The following RSRC1 variants were observed in gnomAD, a reference collection of about 807,000 sequenced individuals.
The protein encoded by RSRC1 is serine/Arginine-related protein 53.
A neutral mutation model predicts 49.1 loss-of-function variants in RSRC1; 39 were observed. The ratio of observed to expected loss-of-function variants is 0.79; its 90% CI spans 0.61 to 1.04. The LOEUF is 1.04. RSRC1 is among the 50% of genes least tolerant of loss of function. The pLI is 0.00. For synonymous variants in RSRC1, 143 were observed against 130.8 expected, an observed-to-expected ratio of 1.09 and a Z score of -0.63; for missense variants, 388 against 402.4, an observed-to-expected ratio of 0.96 and a Z score of 0.31.
Position 158,517,755 on chromosome 3 carries a change from A to ATTTTTTTTTTTT in RSRC1, c.653-19310_653-19299dup, listed in dbSNP as rs766129663. The stretch of plus-strand genomic sequence containing the variant: ...AGGTGTATACCACAACACCCAGCTA[A>ATTTTTTTTTTTT]TTTTTTTTTTTTTTTTTTTTTTTTT... On this transcript the variant is annotated intron_variant, in intron 7 of 9. Transcript: ENST00000611884. Among the ~76,000 whole-genome samples, 27 of 35,184 alleles carry ATTTTTTTTTTTT rather than the reference A, an allele frequency of 7.7e-4. 1 individual carries two copies. Among genetic ancestry groups the ATTTTTTTTTTTT allele is most frequent in the East Asian group, 3.3e-3 (3 of 916 alleles). 23.1% of individuals were successfully genotyped at this position (35,184 alleles called of 152,430 possible). A position where few individuals can be genotyped will look rare whatever the true frequency, so the allele number is the denominator to read the frequency against.
chr3:158,277,638 G>A (rs958786104), intron 4 of RSRC1, among the ~76,000 whole-genome samples: 2 of 152,152 alleles, frequency 1.3e-5, no homozygotes, highest in African/African-American at 4.8e-5. Flanking sequence ...TTGACAGCAT[G>A]GGAAGTATAT....
At chr3:158,172,090 A>G (rs186878963) in intron 3 of RSRC1, among the ~76,000 whole-genome samples, 84 of 152,314 alleles carry the variant, frequency 5.5e-4, no homozygotes, top group African/African-American at 1.9e-3. Context: ...ATATCTTCTT[A>G]TATGTGTGTA....
At chr3:158,215,154 A>G (rs1721883509) in intron 4 of RSRC1, among the ~76,000 whole-genome samples, 1 of 151,866 alleles carries the variant, frequency 6.6e-6, no homozygotes, top group Admixed American at 6.6e-5. Flanking sequence ...ATTGCTACAA[A>G]ATACACATTG....
At chr3:158,145,531 G>A (rs1388121754) in intron 3 of RSRC1, among the ~76,000 whole-genome samples, 1 of 152,152 alleles carries the variant, frequency 6.6e-6, no homozygotes, top group African/African-American at 2.4e-5. Flanking sequence ...TTTGGTTACT[G>A]TAACCTTGTA....
intron 5 of RSRC1, among the ~76,000 whole-genome samples, chr3:158,317,917 A>G (rs1052841986): frequency 2.6e-5 from 4 of 152,182 alleles, no homozygotes; most frequent in African/African-American, 9.7e-5. Flanking sequence ...CCCTAGAGCA[A>G]ACTTGTCCAG....
intron 3 of RSRC1, among the ~76,000 whole-genome samples, chr3:158,165,402 A>G (rs1718476947): frequency 6.6e-6 from 1 of 152,216 alleles, no homozygotes; most frequent in Non-Finnish European, 1.5e-5. Context: ...ACTTAAAAAG[A>G]CTTACCACCA....
intron 7 of RSRC1, among the ~76,000 whole-genome samples, chr3:158,501,579 A>G (rs1464762580): frequency 6.6e-6 from 1 of 152,086 alleles, no homozygotes; most frequent in Non-Finnish European, 1.5e-5. Context: ...CCTGTTGGAC[A>G]AGGCCTTTTG....
chr3:158,478,457 GAATT>G (rs1475053482), intron 7 of RSRC1, among the ~76,000 whole-genome samples: 6 of 151,864 alleles, frequency 4.0e-5, no homozygotes, highest in African/African-American at 1.2e-4. Context: ...CAGACATAAT[GAATT>G]GAGACTGTCT....
At chr3:158,250,252 A>C (rs1460143997) in intron 4 of RSRC1, among the ~76,000 whole-genome samples, 1 of 152,196 alleles carries the variant, frequency 6.6e-6, no homozygotes, top group Non-Finnish European at 1.5e-5. Context: ...AATCTTGGCT[A>C]TTGTGAATAG....
intron 4 of RSRC1, among the ~76,000 whole-genome samples, chr3:158,207,234 A>C (rs966145880): frequency 2.0e-5 from 3 of 152,194 alleles, no homozygotes; most frequent in Non-Finnish European, 2.9e-5. Context: ...ACGTTCCTAG[A>C]AAATAGAACT....
chr3:158,239,819 C>T (rs561544885), intron 4 of RSRC1, among the ~76,000 whole-genome samples: 2 of 152,144 alleles, frequency 1.3e-5, no homozygotes, highest in Admixed American at 6.5e-5. Flanking sequence ...AATGTTTTCT[C>T]CCAGTTTGTG....
At chr3:158,223,334 T>G (rs918390205) in intron 4 of RSRC1, among the ~76,000 whole-genome samples, 1 of 151,662 alleles carries the variant, frequency 6.6e-6, no homozygotes, top group Non-Finnish European at 1.5e-5. Flanking sequence ...TTCAGGAAAC[T>G]TTTTCTGTAA....
At chr3:158,339,153 G>A (rs6772237) in intron 5 of RSRC1, among the ~76,000 whole-genome samples, 64,892 of 151,456 alleles carry the variant, frequency 0.43, 14,726 homozygotes, top group South Asian at 0.6. Context: ...TTAGCCGGGC[G>A]CGGTGGCGGG....
At chr3:158,407,207 A>G (rs1365540514) in intron 6 of RSRC1, among the ~76,000 whole-genome samples, 1 of 152,208 alleles carries the variant, frequency 6.6e-6, no homozygotes, top group East Asian at 1.9e-4. Context: ...CAAAATAAGA[A>G]TTAAAATTTA....
intron 6 of RSRC1, among the ~76,000 whole-genome samples, chr3:158,397,642 T>C (rs564416751): frequency 5.3e-5 from 8 of 152,252 alleles, no homozygotes; most frequent in African/African-American, 1.9e-4. Flanking sequence ...AACTTTAATA[T>C]CTAGTAATAA....
intron 5 of RSRC1, chr3:158,302,667 C>CTTTTTTTTTTTTTTTTTTTTT (rs58057548): frequency 4.1e-5 from 4 of 98,108 alleles, no homozygotes; most frequent in Admixed American, 1.4e-4. Flanking sequence ...TTTTTTCTTC[C>CTTTTTTTTTTTTTTTTTTTTT]TTTTTTTTTT....
rs770790293 is a variant in RSRC1, at chr3:158,541,835, G to A, written c.760-1500G>A. On this transcript the variant is annotated intron_variant, in intron 8 of 9. Transcript: ENST00000611884. Reference sequence around the variant, plus strand: ...CTTACTGCTAATCAGTCACTCCTTGGCCTTCTTTCTTAGGGAAGAAGCTAC... The same window carrying A: ...CTTACTGCTAATCAGTCACTCCTTGACCTTCTTTCTTAGGGAAGAAGCTAC... Among the ~76,000 whole-genome samples, 38 of 151,524 alleles carry A rather than the reference G, an allele frequency of 2.5e-4. 1 individual carries two copies. Among genetic ancestry groups the A allele is most frequent in the Non-Finnish European group, 5.9e-5 (4 of 67,916 alleles).
intron 7 of RSRC1, among the ~76,000 whole-genome samples, chr3:158,516,853 G>A (rs899765017): frequency 6.6e-5 from 10 of 152,198 alleles, no homozygotes; most frequent in Admixed American, 2.0e-4. Context: ...GGAGTGACCC[G>A]ATTTTCCAGG....
At chr3:158,176,649 G>C (rs973399581) in intron 3 of RSRC1, among the ~76,000 whole-genome samples, 11 of 152,098 alleles carry the variant, frequency 7.2e-5, no homozygotes, top group African/African-American at 2.4e-4. Flanking sequence ...ATTAATTCAA[G>C]ATGGATTAAA....
Sources: allele counts gnomAD v4.1 joint callset (sites outside exome capture counted in the v4.1 genomes callset), GRCh38; gene constraint gnomAD v4.1.1; transcripts MANE v1.5; gene names NCBI Gene and HGNC (gene_info 2026-07-23, HGNC 2026-07-21).